The following STPG2 variants were observed in gnomAD, a reference collection of about 807,000 sequenced individuals.
STPG2 encodes the protein sperm tail PG-rich repeat containing 2.
STPG2 carries 56 observed loss-of-function variants against 54.2 expected under a neutral mutation model. The ratio of observed to expected loss-of-function variants is 1.03; its 90% CI spans 0.83 to 1.29. The LOEUF is 1.29. Among genes scored for constraint, STPG2 ranks in the 50% most tolerant of loss-of-function variants. STPG2 has a pLI of 0.00. For synonymous variants in STPG2, 200 were observed against 181.8 expected (o/e 1.10, Z -0.81); for missense variants, 596 against 544.9 (o/e 1.09, Z -0.93).
chr4:97,526,125 CTTCA>C (rs906396224), intron 4 of STPG2, among the ~76,000 whole-genome samples: 29 of 152,048 alleles, frequency 1.9e-4, no homozygotes, highest in African/African-American at 6.3e-4. Flanking sequence ...TAATAATATA[CTTCA>C]TGTAGATTAT....
intron 4 of STPG2, among the ~76,000 whole-genome samples, chr4:97,537,922 C>G (rs1023071302): frequency 1.3e-5 from 2 of 152,100 alleles, no homozygotes; most frequent in African/African-American, 4.8e-5. Flanking sequence ...CTGCTGATAC[C>G]CAGGCAAACA....
At chr4:97,690,134 C>A (rs895692111) in intron 10 of STPG2, among the ~76,000 whole-genome samples, 1 of 152,058 alleles carries the variant, frequency 6.6e-6, no homozygotes, top group Non-Finnish European at 1.5e-5. Flanking sequence ...ATTAAAGATA[C>A]AAAAGTAGCA....
intron 8 of STPG2, among the ~76,000 whole-genome samples, chr4:97,881,186 C>T (rs1264886863): frequency 1.3e-5 from 2 of 151,982 alleles, no homozygotes; most frequent in Non-Finnish European, 2.9e-5. Context: ...GCCACTAAGT[C>T]TTAAAAATTA....
chr4:98,140,141 G>A (rs1431885646), intron 1 of STPG2, among the ~76,000 whole-genome samples: 1 of 152,182 alleles, frequency 6.6e-6, no homozygotes, highest in African/African-American at 2.4e-5. Flanking sequence ...GCCAAGTGAA[G>A]AAAGAAAACA....
At chr4:97,513,215 A>T (rs1391855375) in intron 4 of STPG2, among the ~76,000 whole-genome samples, 2 of 152,112 alleles carry the variant, frequency 1.3e-5, no homozygotes, top group Non-Finnish European at 2.9e-5. Flanking sequence ...AGGGCAAGGT[A>T]AAGAAGGGGA....
chr4:97,957,172 G>T (rs975310935), intron 7 of STPG2, among the ~76,000 whole-genome samples: 1 of 146,680 alleles, frequency 6.8e-6, no homozygotes, highest in African/African-American at 2.5e-5. Context: ...AAATATATAT[G>T]TGAAATATAT....
intron 9 of STPG2, among the ~76,000 whole-genome samples, chr4:97,829,677 T>G (rs1452695731): frequency 6.6e-6 from 1 of 152,012 alleles, no homozygotes; most frequent in Non-Finnish European, 1.5e-5. Context: ...GAAAAGAACA[T>G]AAATGACCTG....
At chr4:97,800,044 A>G (rs1013112483) in intron 9 of STPG2, among the ~76,000 whole-genome samples, 3 of 152,314 alleles carry the variant, frequency 2.0e-5, no homozygotes, top group Middle Eastern at 6.8e-3. Flanking sequence ...AGGTCATTTA[A>G]GGACTTCTCT....
At chr4:97,613,746 T>C (rs548119075) in intron 10 of STPG2, among the ~76,000 whole-genome samples, 5 of 152,116 alleles carry the variant, frequency 3.3e-5, no homozygotes, top group Non-Finnish European at 5.9e-5. Flanking sequence ...TATATTATTA[T>C]TTATTGCTCA....
chr4:97,462,133 G>C (rs998918529), intron 4 of STPG2, among the ~76,000 whole-genome samples: 13 of 151,784 alleles, frequency 8.6e-5, no homozygotes, highest in African/African-American at 2.4e-4. Context: ...GTGTAAGATA[G>C]TACTCAAAAT....
chr4:97,659,944 T>G (rs1462500137), intron 10 of STPG2, among the ~76,000 whole-genome samples: 1 of 152,036 alleles, frequency 6.6e-6, no homozygotes, highest in Non-Finnish European at 1.5e-5. Context: ...CAGCCTTTGG[T>G]CAGTAGTTTG....
At chr4:97,950,520 T>C (rs939653594) in intron 7 of STPG2, among the ~76,000 whole-genome samples, 1 of 152,226 alleles carries the variant, frequency 6.6e-6, no homozygotes, top group Non-Finnish European at 1.5e-5. Context: ...TATGTTGGTT[T>C]TCACCTTTTT....
chr4:98,120,940 A>G (rs572525767), intron 3 of STPG2, among the ~76,000 whole-genome samples: 5 of 152,266 alleles, frequency 3.3e-5, no homozygotes, highest in African/African-American at 1.2e-4. Flanking sequence ...CTTCTGTGTC[A>G]ATTGCTTTTA....
chr4:97,922,493 C>CA (rs1425468280), intron 8 of STPG2, among the ~76,000 whole-genome samples: 1 of 151,924 alleles, frequency 6.6e-6, no homozygotes, highest in Non-Finnish European at 1.5e-5. Context: ...CTTTGTTGTA[C>CA]AAAAAATGGT....
chr4:97,945,108 T>A (rs566647510), intron 7 of STPG2, among the ~76,000 whole-genome samples: 14 of 152,274 alleles, frequency 9.2e-5, no homozygotes, highest in Admixed American at 2.6e-4. Flanking sequence ...TTTCCTTACA[T>A]GGATGTATAG....
chr4:97,506,516 TA>T (rs371379842), intron 4 of STPG2, among the ~76,000 whole-genome samples: 5 of 150,708 alleles, frequency 3.3e-5, no homozygotes, highest in South Asian at 2.1e-4. Context: ...TAGGCAGAAA[TA>T]AAAAAAAACT....
intron 10 of STPG2, among the ~76,000 whole-genome samples, chr4:97,571,741 C>G (rs558188837): frequency 6.6e-6 from 1 of 152,262 alleles, no homozygotes; most frequent in Admixed American, 6.5e-5. Flanking sequence ...TCAAACCAAG[C>G]TGCGCCCCGA....
chr4:98,099,636 T>C (rs1738967155), intron 5 of STPG2, among the ~76,000 whole-genome samples: 1 of 152,186 alleles, frequency 6.6e-6, no homozygotes, highest in South Asian at 2.1e-4. Flanking sequence ...TTTGATTGTA[T>C]AACTCAAAGG....
intron 5 of STPG2, among the ~76,000 whole-genome samples, chr4:98,099,957 A>G (rs1318434656): frequency 6.6e-6 from 1 of 152,170 alleles, no homozygotes; most frequent in African/African-American, 2.4e-5. Flanking sequence ...CCAATTTTCC[A>G]TGATATGATT....
Sources: gnomAD v4.1 joint callset for allele counts (sites outside exome capture counted in the v4.1 genomes callset) on GRCh38, gnomAD v4.1.1 for gene constraint, MANE v1.5 for transcripts, NCBI Gene and HGNC (gene_info 2026-07-23, HGNC 2026-07-21) for gene names.